The following C11orf65 variants were observed in gnomAD, a reference collection of about 807,000 sequenced individuals.
C11orf65 encodes chromosome 11 open reading frame 65.
In C11orf65, 38 loss-of-function variants were observed where a neutral mutation model predicts 35.3. That is an observed-to-expected ratio of 1.08 (90% CI 0.83 to 1.41). The LOEUF is 1.41. Among genes scored for constraint, C11orf65 ranks in the 40% most tolerant of loss-of-function variants. C11orf65 has a pLI of 0.00. For synonymous variants in C11orf65, 105 were observed against 114.4 expected (o/e 0.92, Z 0.53); for missense variants, 370 against 367.1 (o/e 1.01, Z -0.06).
At chr11:108,346,395 G>A (rs1192618819) in intron 2 of C11orf65, 2 of 152,728 alleles carry the variant, frequency 1.3e-5, no homozygotes, top group African/African-American at 4.8e-5. Flanking sequence ...TATATATTTT[G>A]ACTTTTTTTC....
intron 3 of C11orf65, among the ~76,000 whole-genome samples, chr11:108,407,539 C>T (rs1034951252): frequency 1.4e-4 from 21 of 147,774 alleles, no homozygotes; most frequent in South Asian, 1.3e-3. Context: ...AAGCTGGTCT[C>T]GAATTCTTGG....
downstream of C11orf65, among the ~76,000 whole-genome samples, chr11:108,378,906 T>C (rs1395622740): frequency 6.6e-6 from 1 of 151,834 alleles, no homozygotes; most frequent in African/African-American, 2.4e-5. Flanking sequence ...ATCAGAGAAA[T>C]GCAAATCAAA....
At chr11:108,394,177 C>T (rs998076697) in intron 6 of C11orf65, among the ~76,000 whole-genome samples, 2 of 91,134 alleles carry the variant, frequency 2.2e-5, no homozygotes. Flanking sequence ...AAGACTCCAT[C>T]TCAAAAAAAA....
intron 2 of C11orf65, among the ~76,000 whole-genome samples, chr11:108,337,793 T>A (rs1197472884): frequency 6.6e-6 from 1 of 152,246 alleles, no homozygotes; most frequent in African/African-American, 2.4e-5. Flanking sequence ...TACCAAACTT[T>A]TAGATGACAA....
chr11:108,361,924 C>T (rs1484588034), intron 2 of C11orf65, among the ~76,000 whole-genome samples: 13 of 145,924 alleles, frequency 8.9e-5, no homozygotes, highest in African/African-American at 3.3e-4. Context: ...AAAGCAATGG[C>T]AACAAAAGCC....
intron 3 of C11orf65, 54 bp from the exon 4 acceptor site, chr11:108,407,203 C>A: frequency 8.1e-7 from 1 of 1,234,708 alleles, no homozygotes; most frequent in South Asian, 1.5e-5. Context: ...CTGTATGTAT[C>A]AATTCACTAT....
intron 2 of C11orf65, among the ~76,000 whole-genome samples, chr11:108,454,689 G>A (rs534099009): frequency 6.6e-6 from 1 of 152,104 alleles, no homozygotes; most frequent in South Asian, 2.1e-4. Context: ...CAAACTCTTG[G>A]GCTAAAGTGA....
intron 2 of C11orf65, among the ~76,000 whole-genome samples, chr11:108,443,844 C>G (rs1374522531): frequency 6.6e-6 from 1 of 152,060 alleles, no homozygotes; most frequent in Non-Finnish European, 1.5e-5. Context: ...ATTTATAGCA[C>G]TAAATTACCA....
chr11:108,434,201 T>A (rs1219700449), intron 2 of C11orf65, among the ~76,000 whole-genome samples: 2 of 152,130 alleles, frequency 1.3e-5, no homozygotes, highest in Non-Finnish European at 2.9e-5. Flanking sequence ...AAAGTGGTCA[T>A]AGCAGTAGGA....
rs553629249 is a variant in C11orf65, at chr11:108,447,604, A to G, written c.81+13875T>C. On this transcript the variant is annotated intron_variant, in intron 2 of 8. Transcript: ENST00000393084. Reference sequence around the variant, plus strand: ...AAACCAACGAGAACAAAGGCACAACATACCAGAATCTCTGGGACACATTCA... The same window carrying G: ...AAACCAACGAGAACAAAGGCACAACGTACCAGAATCTCTGGGACACATTCA... 7.2e-5 allele frequency among the ~76,000 whole-genome samples: 11 copies of G among 152,290 alleles called. No individual in the cohort carries two copies. The South Asian group carries it at 2.3e-3, about 32-fold the overall frequency.
chr11:108,385,083 C>T (rs2091957911), intron 8 of C11orf65, among the ~76,000 whole-genome samples: 1 of 152,064 alleles, frequency 6.6e-6, no homozygotes, highest in Non-Finnish European at 1.5e-5. Flanking sequence ...GTTACTAAAA[C>T]TATAAGTAAC....
chr11:108,335,926 A>G, intron 2 of C11orf65: 1 of 1,613,890 alleles, frequency 6.2e-7, no homozygotes, highest in Non-Finnish European at 8.5e-7. Flanking sequence ...AAACACGGAA[A>G]CTAGGAAGAG....
chr11:108,348,830 C>T (rs1347242738), intron 2 of C11orf65, among the ~76,000 whole-genome samples: 1 of 152,154 alleles, frequency 6.6e-6, no homozygotes, highest in Non-Finnish European at 1.5e-5. Context: ...GGAGAATTCT[C>T]TTCTGCATAA....
chr11:108,378,520 T>A (rs1327110075), downstream of C11orf65, among the ~76,000 whole-genome samples: 3 of 127,054 alleles, frequency 2.4e-5, no homozygotes, highest in African/African-American at 6.6e-5. Flanking sequence ...CCTAAAACCA[T>A]AAAAACCCTA....
downstream of C11orf65, among the ~76,000 whole-genome samples, chr11:108,380,258 T>C (rs953843990): frequency 6.6e-6 from 1 of 152,222 alleles, no homozygotes; most frequent in Non-Finnish European, 1.5e-5. Flanking sequence ...GGGAAAATCC[T>C]AGTGGGCAAA....
At chr11:108,399,504 C>G (rs1304024728) in intron 6 of C11orf65, among the ~76,000 whole-genome samples, 2 of 152,138 alleles carry the variant, frequency 1.3e-5, no homozygotes, top group African/African-American at 4.8e-5. Context: ...ATTAACTGTC[C>G]ATTTTTAGAT....
At chr11:108,419,982 T>C (rs928202537) in intron 3 of C11orf65, among the ~76,000 whole-genome samples, 1 of 152,218 alleles carries the variant, frequency 6.6e-6, no homozygotes, top group African/African-American at 2.4e-5. Context: ...GATGACATGA[T>C]TGTTTATATT....
At chr11:108,366,257 C>G (rs1194294795) in intron 2 of C11orf65, 2 of 202,348 alleles carry the variant, frequency 9.9e-6, no homozygotes, top group East Asian at 7.7e-5. Context: ...CATAGATTGC[C>G]TTCTAGTTCA....
intron 7 of C11orf65, among the ~76,000 whole-genome samples, chr11:108,386,453 A>G (rs2092003018): frequency 6.6e-6 from 1 of 152,234 alleles, no homozygotes; most frequent in Non-Finnish European, 1.5e-5. Context: ...TTAGAGCAGC[A>G]GCGCTGTCTT....
Sources: gnomAD v4.1 joint callset for allele counts (sites outside exome capture counted in the v4.1 genomes callset) on GRCh38, gnomAD v4.1.1 for gene constraint, MANE v1.5 for transcripts, NCBI Gene and HGNC (gene_info 2026-07-23, HGNC 2026-07-21) for gene names.